Variants in DZIP1L observed in about 807,000 individuals in gnomAD.
DZIP1L encodes the protein DAZ interacting zinc finger protein 1 like.
Under a neutral mutation model 88.7 loss-of-function variants are expected in DZIP1L, and 90 were observed. The ratio of observed to expected loss-of-function variants is 1.02; its 90% CI spans 0.86 to 1.21. The LOEUF (loss-of-function observed/expected upper bound fraction) is 1.21. DZIP1L is among the 50% of genes most tolerant of loss of function. DZIP1L has a pLI of 0.00. For missense variants in DZIP1L, 932 were observed against 955.8 expected, an observed-to-expected ratio of 0.98 and a Z score of 0.33; for synonymous variants, 363 against 372.1, an observed-to-expected ratio of 0.98 and a Z score of 0.28.
intron 1 of DZIP1L, among the ~76,000 whole-genome samples, chr3:138,109,134 T>C (rs1488940884): frequency 2.0e-5 from 3 of 152,222 alleles, no homozygotes; most frequent in African/African-American, 7.2e-5. Flanking sequence ...TCAAAGACTT[T>C]GATGAACTGC....
At chr3:138,065,311 C>T (rs1202666895) in intron 14 of DZIP1L, among the ~76,000 whole-genome samples, 1 of 152,190 alleles carries the variant, frequency 6.6e-6, no homozygotes, top group East Asian at 1.9e-4. Context: ...CTAACTACAG[C>T]CTTCTACGAT....
intron 1 of DZIP1L, among the ~76,000 whole-genome samples, chr3:138,111,706 G>A (rs939626611): frequency 6.6e-6 from 1 of 152,050 alleles, no homozygotes; most frequent in Non-Finnish European, 1.5e-5. Context: ...ATTATAAGAC[G>A]GAGCAGGGCC....
intron 1 of DZIP1L, among the ~76,000 whole-genome samples, chr3:138,107,982 AC>A (rs1187910070): frequency 6.6e-6 from 1 of 151,934 alleles, no homozygotes; most frequent in African/African-American, 2.4e-5. Flanking sequence ...TGACATAAGC[AC>A]CCCCACCATG....
Position 138,102,030 on chromosome 3 carries a change from T to G in DZIP1L, c.501+1441A>C. On this transcript the variant is annotated intron_variant, in intron 2 of 15. Transcript: ENST00000327532. ...CTTTGTATGCTGCAGGTCATCTCCATGCTTCCCAGCCAGCATCTGCAGCTC... is the reference window on the plus strand; with the variant it reads ...CTTTGTATGCTGCAGGTCATCTCCAGGCTTCCCAGCCAGCATCTGCAGCTC... The G allele has an allele frequency of 3.4e-6, 5 of 1,469,214 alleles. No homozygotes were observed. The South Asian group carries it at 5.7e-5, about 17-fold the overall frequency. 91.0% of individuals were successfully genotyped at this position (1,469,214 alleles called of 1,614,324 possible).
rs1943382508 is a variant in DZIP1L at position 138,075,896 on chromosome 3, T to C, written c.1422+1603A>G. ...ATCCCTTGAACCAGGGAGTCGGAGG[T>C]TGCAGTGAGCCGAGATCGCACCACT... On this transcript the variant is annotated intron_variant, in intron 11 of 15. Coordinates refer to ENST00000327532, the MANE Select transcript of DZIP1L (RefSeq NM_173543.3). Among the ~76,000 whole-genome samples, 4 of 151,342 alleles carry C rather than the reference T, an allele frequency of 2.6e-5. No individual in the cohort carries two copies. The South Asian group carries it at 6.3e-4, about 24-fold the overall frequency.
chr3:138,095,044 T>C (rs1213890906), intron 3 of DZIP1L, 61 bp from the exon 4 acceptor site: 3 of 1,609,640 alleles, frequency 1.9e-6, no homozygotes, highest in Non-Finnish European at 2.5e-6. Flanking sequence ...GGAGTGTAGT[T>C]TCTCACCTTG....
chr3:138,089,109 C>G lies in DZIP1L; in HGVS notation c.871-602G>C, dbSNP rs918060498. 1.6e-5 allele frequency: 16 copies of G among 985,308 alleles called. No individual in the cohort carries two copies. In the African/African-American group the frequency reaches 2.8e-4, roughly 17 times the overall value. The allele number at this position is 985,308 out of a possible 1,614,324, so 61.0% of individuals were successfully genotyped here. A position where few individuals can be genotyped will look rare whatever the true frequency, so the allele number is the denominator to read the frequency against. The stretch of plus-strand genomic sequence containing the variant: ...ATGACTGTCGTAGTAACAAAAGCAA[C>G]ATATTTCTATCTGTATGACTGTATA... On this transcript the variant is annotated intron_variant, in intron 5 of 15. Transcript: ENST00000327532.
chr3:138,082,865 T>G (rs1333514443), intron 8 of DZIP1L, among the ~76,000 whole-genome samples: 4 of 152,218 alleles, frequency 2.6e-5, no homozygotes, highest in African/African-American at 9.6e-5. Context: ...TTCATCAACT[T>G]CTTCTGCCAA....
At chr3:138,086,902 G>T in intron 7 of DZIP1L, 59 bp downstream of exon 7, 1 of 1,578,748 alleles carries the variant, frequency 6.3e-7, no homozygotes, top group South Asian at 1.1e-5. Context: ...GGAGAATGCT[G>T]AATTCTGAGA....
At position 138,071,813 on chromosome 3, in the gene DZIP1L, T is replaced by C; in HGVS notation, c.1445A>G (p.Gln482Arg). 2 of 1,613,682 alleles carry C rather than the reference T, an allele frequency of 1.2e-6. No homozygotes were observed. Among genetic ancestry groups the C allele is most frequent in the Non-Finnish European group, 1.7e-6 (2 of 1,179,822 alleles). ...IRKDAKGISI[Q>R]TLRHLESLLR... ...CAGGGATTCCAGGTGTCTGAGAGTCTGAATCGAGATTCCCTTTGCATCCTA... is the reference window on the plus strand; with the variant it reads ...CAGGGATTCCAGGTGTCTGAGAGTCCGAATCGAGATTCCCTTTGCATCCTA... Residue 482 changes from glutamine (Q) to arginine (R), a missense_variant, in exon 12 of 16, where the codon CAG becomes CGG. Physicochemically the swap from Gln to Arg is conservative, Grantham distance 43. Coordinates refer to ENST00000327532, the MANE Select transcript of DZIP1L (RefSeq NM_173543.3).
At chr3:138,099,902 C>G (rs1393214753) in intron 2 of DZIP1L, among the ~76,000 whole-genome samples, 1 of 152,186 alleles carries the variant, frequency 6.6e-6, no homozygotes, top group African/African-American at 2.4e-5. Context: ...AATTATCCAG[C>G]TTCGGTATTC....
At chr3:138,074,584 AT>A (rs763975536) in intron 11 of DZIP1L, among the ~76,000 whole-genome samples, 2 of 152,074 alleles carry the variant, frequency 1.3e-5, no homozygotes, top group African/African-American at 4.8e-5. Context: ...TTTTTAATTT[AT>A]TTTTTTATTA....
chr3:138,086,927 A>T (rs753951004), intron 7 of DZIP1L, 34 bp downstream of exon 7: 3 of 1,611,504 alleles, frequency 1.9e-6, no homozygotes, highest in Non-Finnish European at 2.5e-6. Flanking sequence ...GTCACAGGAA[A>T]CCAAGCTCCC....
At position 138,063,792 on chromosome 3, in the gene DZIP1L, C is replaced by G. The variant is rs554538718; in HGVS notation, c.2143-815G>C. On this transcript the variant is annotated intron_variant, in intron 15 of 15. Coordinates refer to ENST00000327532, the MANE Select transcript of DZIP1L (RefSeq NM_173543.3). The surrounding 1 kb of genome is among the most constrained non-coding windows in gnomAD (Gnocchi z 4.1). ...TTCAATCATTTGGATGCATTACTCA[C>G]AAACATACAGGAGCTGTGTGGTAAA... Among the ~76,000 whole-genome samples the G allele has an allele frequency of 6.4e-4, 97 of 152,348 alleles. No individual in the cohort carries two copies. Among genetic ancestry groups the G allele is most frequent in the Non-Finnish European group, 1.0e-3 (70 of 68,026 alleles).
At chr3:138,085,979 T>C (rs1296220154) in intron 7 of DZIP1L, among the ~76,000 whole-genome samples, 1 of 151,978 alleles carries the variant, frequency 6.6e-6, no homozygotes, top group African/African-American at 2.4e-5. Context: ...AAATTGGAAA[T>C]CATCATTCTC....
rs111285595 is a variant in DZIP1L at position 138,067,650 on chromosome 3, C to T, written c.1883G>A (p.Arg628His). ...AACTTTTGGGGGCTGTAGAGACACA[C>T]GCTGCACACGGTCTCCCTCTGAGTC... ...EEDSEGDRVQ[R>H]VSLQPPKVPS... is the part of the protein sequence containing the mutation. The change falls in exon 14 of 16, where the codon CGT (arginine) becomes CAT (histidine). Residue 628 changes from arginine to histidine, a missense_variant. Arg to His is a conservative substitution (Grantham distance 29). Transcript: ENST00000327532. 52 of 1,608,838 alleles carry T rather than the reference C, an allele frequency of 3.2e-5. No homozygotes were observed. Among genetic ancestry groups the T allele is most frequent in the African/African-American group, 4.0e-5 (3 of 74,688 alleles).
chr3:138,077,724 A>G (rs1943478983), intron 10 of DZIP1L, 92 bp from the exon 11 acceptor site: 1 of 1,549,700 alleles, frequency 6.5e-7, no homozygotes, highest in East Asian at 2.3e-5. Context: ...TCACACTGCC[A>G]GGAATCCTGG....
intron 2 of DZIP1L, chr3:138,101,870 C>T (rs1019511264): frequency 1.3e-5 from 18 of 1,388,724 alleles, no homozygotes; most frequent in Admixed American, 6.7e-5. Flanking sequence ...CCCTCCAGCT[C>T]GGACAGCTTG....
chr3:138,079,474 T>C (rs1054243693), intron 10 of DZIP1L, among the ~76,000 whole-genome samples: 2 of 152,220 alleles, frequency 1.3e-5, no homozygotes, highest in Admixed American at 6.5e-5. Flanking sequence ...TAAAGGGATA[T>C]GAAACCATTT....
Sources: gnomAD v4.1 joint callset for allele counts (sites outside exome capture counted in the v4.1 genomes callset) on GRCh38, gnomAD v4.1.1 for gene constraint, Gnocchi (gnomAD v3.1) non-coding constraint, MANE v1.5 for transcripts, NCBI Gene and HGNC (gene_info 2026-07-23, HGNC 2026-07-21) for gene names.